Variants in ITCH observed in about 807,000 individuals in gnomAD.
The protein encoded by ITCH is itchy E3 ubiquitin protein ligase, also known as E3 ubiquitin-protein ligase Itchy homolog.
ITCH carries 28 observed loss-of-function variants against 126.8 expected under a neutral mutation model. The ratio of observed to expected loss-of-function variants is 0.22; its 90% confidence interval spans 0.16 to 0.30. ITCH has a LOEUF of 0.30. Among genes scored for constraint, ITCH ranks in the 10% least tolerant of loss-of-function variants. The pLI is 1.00. For synonymous variants in ITCH, 342 were observed against 340.0 expected (o/e 1.01, Z -0.06); for missense variants, 631 against 1,032.4 (o/e 0.61, Z 5.33).
At chr20:34,431,116 G>A (rs1272163214) in intron 7 of ITCH, among the ~76,000 whole-genome samples, 1 of 152,112 alleles carries the variant, frequency 6.6e-6, no homozygotes, top group Non-Finnish European at 1.5e-5. Context: ...AATGTTTAGA[G>A]GGACGGGAGG....
chr20:34,366,814 T>A (rs553367120), intron 1 of ITCH, among the ~76,000 whole-genome samples: 1 of 151,960 alleles, frequency 6.6e-6, no homozygotes, highest in East Asian at 1.9e-4. Context: ...AAGATAGGTA[T>A]CAAAAAACAA....
rs749037405 is a variant in ITCH at position 34,424,437 on chromosome 20, A to G, written c.476-43A>G. On this transcript the variant is annotated intron_variant, in intron 6 of 24. Coordinates refer to ENST00000374864, the MANE Select transcript of ITCH (RefSeq NM_031483.7). The stretch of plus-strand genomic sequence containing the variant: ...TTAGAAAAGAAAAAACATGAAAACT[A>G]CTCTCTTGAAACTCATTTTCTGTTT... The G allele has an allele frequency of 1.4e-5, 21 of 1,496,404 alleles. 1 individual carries two copies. In the East Asian group the frequency reaches 1.6e-4, roughly 11 times the overall value. 92.7% of individuals were successfully genotyped at this position (1,496,404 alleles called of 1,614,324 possible).
At chr20:34,401,727 AGACTG>A in intron 3 of ITCH, 43 of 683,900 alleles carry the variant, frequency 6.3e-5, no homozygotes, top group Non-Finnish European at 7.4e-5. Flanking sequence ...AAAAAAAAAA[AGACTG>A]AAAAACAAAC....
chr20:34,434,270 G>A (rs1291725918), intron 7 of ITCH, among the ~76,000 whole-genome samples: 2 of 151,608 alleles, frequency 1.3e-5, no homozygotes, highest in East Asian at 1.9e-4. Flanking sequence ...GTTGTGCCAC[G>A]GCACTCCAGC....
intron 2 of ITCH, among the ~76,000 whole-genome samples, chr20:34,380,183 T>C (rs1173392406): frequency 9.9e-5 from 15 of 152,174 alleles, no homozygotes; most frequent in Admixed American, 9.2e-4. Context: ...ATATTTGTCC[T>C]TTTGTGTCTG....
intron 5 of ITCH, among the ~76,000 whole-genome samples, 200 bp from the exon 6 acceptor site, chr20:34,413,542 A>G (rs1979358363): frequency 6.6e-6 from 1 of 152,208 alleles, no homozygotes; most frequent in Non-Finnish European, 1.5e-5. Context: ...AAACATTAGC[A>G]TATTTTGTCC....
chr20:34,396,817 A>G (rs536697228), intron 3 of ITCH, among the ~76,000 whole-genome samples: 1 of 152,144 alleles, frequency 6.6e-6, no homozygotes, highest in African/African-American at 2.4e-5. Flanking sequence ...CTCTGTCGCT[A>G]TTGTTAATTA....
intron 1 of ITCH, among the ~76,000 whole-genome samples, chr20:34,364,025 G>GA (rs568969559): frequency 6.6e-6 from 1 of 152,134 alleles, no homozygotes; most frequent in Non-Finnish European, 1.5e-5. Flanking sequence ...GCAGAGAAAA[G>GA]AAAAAAGTAG....
intron 23 of ITCH, among the ~76,000 whole-genome samples, chr20:34,499,272 CTTTTTTTTTT>C (rs386393666): frequency 2.4e-3 from 56 of 23,008 alleles, no homozygotes; most frequent in African/African-American, 5.4e-3. Flanking sequence ...CTGTGCCCAG[CTTTTTTTTTT>C]TTTTTTTTTT....
chr20:34,457,844 G>T (rs1986156645), intron 13 of ITCH, among the ~76,000 whole-genome samples: 1 of 152,068 alleles, frequency 6.6e-6, no homozygotes. Flanking sequence ...AGCTACTCGG[G>T]AGACTGAGGT....
intron 3 of ITCH, among the ~76,000 whole-genome samples, chr20:34,399,055 A>G (rs900639280): frequency 6.6e-6 from 1 of 152,176 alleles, no homozygotes; most frequent in African/African-American, 2.4e-5. Flanking sequence ...AGCTGCCTCA[A>G]TGCCTTTCTA....
At chr20:34,411,048 A>G (rs989264098) in intron 4 of ITCH, among the ~76,000 whole-genome samples, 1 of 152,166 alleles carries the variant, frequency 6.6e-6, no homozygotes, top group African/African-American at 2.4e-5. Flanking sequence ...ATTGAATTGA[A>G]ACAAGACTGA....
intron 2 of ITCH, among the ~76,000 whole-genome samples, chr20:34,380,557 AT>A (rs1393305395): frequency 4.0e-5 from 5 of 124,404 alleles, no homozygotes; most frequent in African/African-American, 1.5e-4. Flanking sequence ...TGTTTTGCAG[AT>A]TTTATCTCCT....
chr20:34,365,352 G>A (rs984925244), intron 1 of ITCH, among the ~76,000 whole-genome samples: 3 of 152,098 alleles, frequency 2.0e-5, no homozygotes, highest in Non-Finnish European at 4.4e-5. Flanking sequence ...AAAAAAATGA[G>A]TACAGACTAC....
intron 1 of ITCH, among the ~76,000 whole-genome samples, chr20:34,369,068 G>A (rs1331333118): frequency 6.6e-6 from 1 of 152,144 alleles, no homozygotes; most frequent in South Asian, 2.1e-4. Context: ...GGTGGCTCAC[G>A]CCTGTAATCC....
chr20:34,430,475 C>G (rs1319609894), intron 7 of ITCH, among the ~76,000 whole-genome samples: 2 of 150,786 alleles, frequency 1.3e-5, no homozygotes, highest in Non-Finnish European at 3.0e-5. Flanking sequence ...TGATTTTGTT[C>G]TGTTTTGTTT....
intron 2 of ITCH, among the ~76,000 whole-genome samples, chr20:34,378,888 A>AT (rs751853161): frequency 6.6e-6 from 1 of 152,160 alleles, no homozygotes; most frequent in Non-Finnish European, 1.5e-5. Context: ...CACTTGGTGA[A>AT]TTTTAACCTT....
intron 1 of ITCH, among the ~76,000 whole-genome samples, chr20:34,365,539 G>T (rs996956972): frequency 1.1e-4 from 16 of 152,014 alleles, no homozygotes; most frequent in African/African-American, 3.9e-4. Flanking sequence ...CTCAGCCTCC[G>T]TAGTAGCTGG....
chr20:34,401,751 T>TA, intron 3 of ITCH: 1 of 489,720 alleles, frequency 2.0e-6, no homozygotes, highest in Admixed American at 6.6e-5. Flanking sequence ...ACCTCCCCCC[T>TA]AAAAAAGAGG....
Sources: gnomAD v4.1 joint callset for allele counts (sites outside exome capture counted in the v4.1 genomes callset) on GRCh38, gnomAD v4.1.1 for gene constraint, MANE v1.5 for transcripts, NCBI Gene and HGNC (gene_info 2026-07-23, HGNC 2026-07-21) for gene names.